ADGRB3: variants seen among roughly 807,000 people sequenced by gnomAD.
ADGRB3 encodes the protein adhesion G protein-coupled receptor B3, also known as brain-specific angiogenesis inhibitor 3.
ADGRB3 carries 37 observed loss-of-function variants against 193.4 expected under a neutral mutation model. The ratio of observed to expected loss-of-function variants is 0.19; its 90% CI spans 0.15 to 0.25. ADGRB3 has a LOEUF of 0.25. Among genes scored for constraint, ADGRB3 ranks in the 10% least tolerant of loss-of-function variants. The pLI is 1.00. For missense variants in ADGRB3, 1,637 were observed against 1,852.9 expected (o/e 0.88, Z 2.14); for synonymous variants, 690 against 644.2 (o/e 1.07, Z -1.08).
chr6:68,646,321 A>G (rs1768213328), intron 3 of ADGRB3, among the ~76,000 whole-genome samples: 3 of 151,742 alleles, frequency 2.0e-5, no homozygotes, highest in South Asian at 2.1e-4. Context: ...TACTAAGAAT[A>G]CAAAAATTAG....
At chr6:69,043,056 T>G (rs191271669) in intron 13 of ADGRB3, among the ~76,000 whole-genome samples, 130 of 152,242 alleles carry the variant, frequency 8.5e-4, no homozygotes, top group African/African-American at 2.8e-3. Context: ...CTTTGCAGTT[T>G]ATGGTCTTGG....
chr6:69,108,578 C>A (rs1266630418), intron 17 of ADGRB3, among the ~76,000 whole-genome samples: 2 of 151,826 alleles, frequency 1.3e-5, no homozygotes, highest in African/African-American at 4.8e-5. Flanking sequence ...TGTGTGATGG[C>A]AAATTGTGAT....
chr6:69,318,079 T>G (rs1054075124), intron 20 of ADGRB3, among the ~76,000 whole-genome samples: 1 of 151,414 alleles, frequency 6.6e-6, no homozygotes, highest in Non-Finnish European at 1.5e-5. Context: ...TTTTTGTCTT[T>G]TCTTGTATTG....
At chr6:69,100,918 G>GAAGGAGGAAGGGAAGGAAGA (rs1411483972) in intron 17 of ADGRB3, among the ~76,000 whole-genome samples, 2 of 38,962 alleles carry the variant, frequency 5.1e-5, no homozygotes, top group African/African-American at 1.7e-4. Context: ...GGGAGGGAAG[G>GAAGGAGGAAGGGAAGGAAGA]AAGGAAGGAG....
intron 17 of ADGRB3, among the ~76,000 whole-genome samples, chr6:69,215,464 G>A (rs1477837147): frequency 6.6e-6 from 1 of 151,830 alleles, no homozygotes; most frequent in Non-Finnish European, 1.5e-5. Context: ...GTGTGTGTGT[G>A]TGTGTGTGTG....
intron 17 of ADGRB3, among the ~76,000 whole-genome samples, chr6:69,121,303 C>G (rs1773678901): frequency 6.6e-6 from 1 of 152,148 alleles, no homozygotes; most frequent in South Asian, 2.1e-4. Flanking sequence ...GCACATGTTT[C>G]AGAGAGCACG....
intron 16 of ADGRB3, among the ~76,000 whole-genome samples, chr6:69,065,764 T>TACACACACACACAC (rs3043304): frequency 1.4e-4 from 18 of 129,246 alleles, no homozygotes; most frequent in African/African-American, 3.2e-4. Flanking sequence ...TGTATATATA[T>TACACACACACACAC]ACACACACAC....
At chr6:68,927,595 AAAG>A (rs1432764231) in intron 3 of ADGRB3, among the ~76,000 whole-genome samples, 1 of 152,122 alleles carries the variant, frequency 6.6e-6, no homozygotes, top group Non-Finnish European at 1.5e-5. Flanking sequence ...ACTCTAAAAC[AAAG>A]AAGATTTTTA....
chr6:68,720,191 T>C (rs557991722), intron 3 of ADGRB3, among the ~76,000 whole-genome samples: 1 of 151,772 alleles, frequency 6.6e-6, no homozygotes, highest in East Asian at 2.0e-4. Flanking sequence ...TATGATGAAA[T>C]GGAGTAGTTT....
chr6:69,092,552 G>A (rs1772739907), intron 17 of ADGRB3, among the ~76,000 whole-genome samples: 1 of 152,156 alleles, frequency 6.6e-6, no homozygotes, highest in African/African-American at 2.4e-5. Flanking sequence ...ATAATTGTAA[G>A]CAACATGTGT....
chr6:68,953,918 T>C (rs1345478188), intron 6 of ADGRB3, among the ~76,000 whole-genome samples: 1 of 152,228 alleles, frequency 6.6e-6, no homozygotes, highest in Non-Finnish European at 1.5e-5. Flanking sequence ...TCACCTGTGA[T>C]CAAATTGACT....
At chr6:68,644,481 G>A (rs1438972521) in intron 3 of ADGRB3, among the ~76,000 whole-genome samples, 1 of 151,300 alleles carries the variant, frequency 6.6e-6, no homozygotes, top group Non-Finnish European at 1.5e-5. Flanking sequence ...CTCTTTTCTG[G>A]CCCTAGCATT....
At chr6:68,944,095 G>A (rs1050464965) in intron 6 of ADGRB3, 101 bp downstream of exon 6, 23 of 1,261,726 alleles carry the variant, frequency 1.8e-5, no homozygotes, top group African/African-American at 1.6e-4. Flanking sequence ...ATTCAGTCAC[G>A]TTGGGAAATG....
At chr6:68,655,350 G>A (rs2127283505) in intron 3 of ADGRB3, among the ~76,000 whole-genome samples, 1 of 151,592 alleles carries the variant, frequency 6.6e-6, no homozygotes, top group East Asian at 1.9e-4. Context: ...TGATTTTAGT[G>A]AAATAATTGG....
At chr6:68,852,117 T>A (rs1220472427) in intron 3 of ADGRB3, among the ~76,000 whole-genome samples, 1 of 151,908 alleles carries the variant, frequency 6.6e-6, no homozygotes, top group East Asian at 1.9e-4. Flanking sequence ...ACATTTACAA[T>A]TTATATTTCC....
chr6:68,757,500 T>C (rs1425585664), intron 3 of ADGRB3, among the ~76,000 whole-genome samples: 3 of 152,144 alleles, frequency 2.0e-5, no homozygotes, highest in Non-Finnish European at 4.4e-5. Context: ...ATTGATTTGA[T>C]AATAAAATAC....
chr6:69,280,546 AATAG>A (rs1158621939), intron 20 of ADGRB3, among the ~76,000 whole-genome samples: 2 of 152,316 alleles, frequency 1.3e-5, no homozygotes, highest in East Asian at 1.9e-4. Context: ...AATAGTAATA[AATAG>A]ATAATAATAA....
At chr6:68,757,058 T>C (rs573930327) in intron 3 of ADGRB3, among the ~76,000 whole-genome samples, 1 of 152,258 alleles carries the variant, frequency 6.6e-6, no homozygotes, top group East Asian at 1.9e-4. Context: ...CTCTGAAAAA[T>C]TAGAAACCAT....
At chr6:68,797,516 A>G (rs1164135284) in intron 3 of ADGRB3, among the ~76,000 whole-genome samples, 1 of 152,100 alleles carries the variant, frequency 6.6e-6, no homozygotes, top group Non-Finnish European at 1.5e-5. Context: ...TAATCCTAGT[A>G]GCAGCATCTT....
Sources: allele counts gnomAD v4.1 joint callset (sites outside exome capture counted in the v4.1 genomes callset), GRCh38; gene constraint gnomAD v4.1.1; transcripts MANE v1.5; gene names NCBI Gene and HGNC (gene_info 2026-07-23, HGNC 2026-07-21).